The following CADPS variants were observed in gnomAD, a reference collection of about 807,000 sequenced individuals.
CADPS encodes the protein calcium-dependent secretion activator 1.
Under a neutral mutation model 167.3 loss-of-function variants are expected in CADPS, and 57 were observed. The observed-to-expected ratio is 0.34, with a 90% CI of 0.28 to 0.42. The LOEUF (loss-of-function observed/expected upper bound fraction) is 0.42. Among genes scored for constraint, CADPS ranks in the 20% least tolerant of loss-of-function variants. The pLI is 1.00. For missense variants in CADPS, 1,414 were observed against 1,738.1 expected (o/e 0.81, Z 3.32); for synonymous variants, 676 against 635.3 (o/e 1.06, Z -0.96).
intron 5 of CADPS, among the ~76,000 whole-genome samples, chr3:62,648,682 A>G (rs1269498204): frequency 7.1e-6 from 1 of 140,712 alleles, no homozygotes; most frequent in African/African-American, 2.9e-5. Flanking sequence ...ACAGAGTGAG[A>G]CGTTGTGTCA....
At chr3:62,856,329 T>C (rs1189727084) in intron 1 of CADPS, among the ~76,000 whole-genome samples, 2 of 152,052 alleles carry the variant, frequency 1.3e-5, no homozygotes, top group African/African-American at 4.8e-5. Context: ...CAAAAATAAA[T>C]TGAGGCACAT....
chr3:62,852,390 C>A (rs558729784), intron 1 of CADPS, among the ~76,000 whole-genome samples: 1 of 152,060 alleles, frequency 6.6e-6, no homozygotes, highest in Non-Finnish European at 1.5e-5. Flanking sequence ...AGCTGTAGAC[C>A]GGAGCTGTTC....
chr3:62,729,732 G>A (rs1254924601), intron 3 of CADPS, among the ~76,000 whole-genome samples: 2 of 151,760 alleles, frequency 1.3e-5, no homozygotes, highest in Admixed American at 6.6e-5. Context: ...GTTGTTTTCT[G>A]CCAAGTGCTG....
chr3:62,820,098 T>C (rs1436293083), intron 1 of CADPS, among the ~76,000 whole-genome samples: 1 of 151,966 alleles, frequency 6.6e-6, no homozygotes, highest in South Asian at 2.1e-4. Flanking sequence ...AAAGATGCAA[T>C]GCAAATGGGA....
intron 1 of CADPS, among the ~76,000 whole-genome samples, chr3:62,849,042 A>G (rs2078032735): frequency 6.7e-6 from 1 of 149,374 alleles, no homozygotes; most frequent in South Asian, 2.1e-4. Flanking sequence ...CTTTGAAGCA[A>G]TTGTGAATGG....
intron 21 of CADPS, among the ~76,000 whole-genome samples, chr3:62,485,324 GA>G: frequency 6.6e-6 from 1 of 151,868 alleles, no homozygotes; most frequent in Non-Finnish European, 1.5e-5. Flanking sequence ...CCATGCTGGC[GA>G]AAACTCAGCG....
At chr3:62,559,758 T>C (rs923476645) in intron 9 of CADPS, among the ~76,000 whole-genome samples, 15 of 152,138 alleles carry the variant, frequency 9.9e-5, no homozygotes, top group African/African-American at 3.6e-4. Context: ...CCTCCCAAAG[T>C]GCTGGGATTA....
rs756451990 is a variant in CADPS, at chr3:62,433,496, A to G, written c.3777+4608T>C. ...TGCAGAGTCAATCTGCAAATACTTA[A>G]TCCTCCAGAAGGCAGATTAAGTGTA... On this transcript the variant is annotated intron_variant, in intron 28 of 29. Coordinates refer to ENST00000383710, the MANE Select transcript of CADPS (RefSeq NM_003716.4). This position sits in a 1 kb window ranked among gnomAD's most constrained non-coding sequence, Gnocchi z 4.7. Among the ~76,000 whole-genome samples the G allele has an allele frequency of 3.3e-5, 5 of 152,148 alleles. No individual in the cohort carries two copies. The highest frequency in any genetic ancestry group is 5.9e-5 in the Non-Finnish European group (4 of 68,016).
chr3:62,681,943 C>A (rs2077212826), intron 3 of CADPS, among the ~76,000 whole-genome samples: 1 of 152,038 alleles, frequency 6.6e-6, no homozygotes, highest in Non-Finnish European at 1.5e-5. Flanking sequence ...CTCCAGAGGA[C>A]CTCATTTGGA....
intron 28 of CADPS, among the ~76,000 whole-genome samples, chr3:62,413,904 A>C (rs1402181017): frequency 6.6e-6 from 1 of 152,222 alleles, no homozygotes; most frequent in Non-Finnish European, 1.5e-5. Context: ...AAAAAAAAAA[A>C]AATCTTTGTA....
Position 62,672,028 on chromosome 3 carries a change from C to A in CADPS, c.889-9634G>T, listed in dbSNP as rs758205460. Among the ~76,000 whole-genome samples the A allele has an allele frequency of 4.6e-5, 7 of 152,162 alleles. No individual in the cohort carries two copies. The South Asian group carries it at 8.3e-4, about 18-fold the overall frequency. On this transcript the variant is annotated intron_variant, in intron 3 of 29. Coordinates refer to ENST00000383710, the MANE Select transcript of CADPS (RefSeq NM_003716.4). ...ATCTCTTGACCTCGTGATCCACCCA[C>A]CTCAGCCTCTCAAAGTGCTGGGATT...
chr3:62,793,030 T>C (rs925761798), intron 1 of CADPS, among the ~76,000 whole-genome samples: 1 of 152,170 alleles, frequency 6.6e-6, no homozygotes, highest in African/African-American at 2.4e-5. Context: ...CTTAATATCT[T>C]CATCTGTAAA....
At chr3:62,818,731 A>T (rs1472986341) in intron 1 of CADPS, among the ~76,000 whole-genome samples, 2 of 152,242 alleles carry the variant, frequency 1.3e-5, no homozygotes, top group Admixed American at 1.3e-4. Context: ...TATGAGAATG[A>T]GCATAGCAAT....
Position 62,601,980 on chromosome 3 carries a change from A to G in CADPS, c.1326-9232T>C, listed in dbSNP as rs547217593. ...GATCACAGTCGCATCTCTGTTTACT[A>G]TTTAAAGCCTCTTATTTGCGGAAGC... is the stretch of plus-strand genomic sequence containing the variant. On this transcript the variant is annotated intron_variant, in intron 6 of 29. Coordinates refer to ENST00000383710, the MANE Select transcript of CADPS (RefSeq NM_003716.4). This position sits in a 1 kb window ranked among gnomAD's most constrained non-coding sequence, Gnocchi z 4.3. Among the ~76,000 whole-genome samples, 162 of 152,238 alleles carry G rather than the reference A, an allele frequency of 1.1e-3. 2 individuals carry two copies. The highest frequency in any genetic ancestry group is 3.6e-3 in the African/African-American group (148 of 41,538).
At chr3:62,486,444 CAAAA>C (rs1219097343) in intron 21 of CADPS, among the ~76,000 whole-genome samples, 4 of 63,932 alleles carry the variant, frequency 6.3e-5, no homozygotes, top group Admixed American at 1.7e-4. Flanking sequence ...GACTCCGTCT[CAAAA>C]AAAAAAAAAA....
intron 17 of CADPS, among the ~76,000 whole-genome samples, chr3:62,502,635 T>C (rs915207220): frequency 9.2e-5 from 14 of 152,076 alleles, no homozygotes; most frequent in African/African-American, 2.7e-4. Flanking sequence ...AGAGCCCGAG[T>C]CTCAGCTTAG....
chr3:62,797,469 T>C (rs1246467058), intron 1 of CADPS, among the ~76,000 whole-genome samples: 1 of 152,150 alleles, frequency 6.6e-6, no homozygotes, highest in African/African-American at 2.4e-5. Flanking sequence ...GATAGATATT[T>C]CCAGAAAGGC....
At chr3:62,714,409 C>T (rs547044498) in intron 3 of CADPS, among the ~76,000 whole-genome samples, 1 of 152,296 alleles carries the variant, frequency 6.6e-6, no homozygotes, top group Admixed American at 6.5e-5. Context: ...CTTCCACTTA[C>T]TGTTTTGGAA....
intron 5 of CADPS, among the ~76,000 whole-genome samples, chr3:62,647,512 C>T (rs563574990): frequency 3.9e-5 from 6 of 152,228 alleles, no homozygotes; most frequent in African/African-American, 1.2e-4. Context: ...GTACTACTCG[C>T]GTGATGTTGG....
Sources: gnomAD v4.1 joint callset for allele counts (sites outside exome capture counted in the v4.1 genomes callset) on GRCh38, gnomAD v4.1.1 for gene constraint, Gnocchi (gnomAD v3.1) non-coding constraint, MANE v1.5 for transcripts, NCBI Gene and HGNC (gene_info 2026-07-23, HGNC 2026-07-21) for gene names.